Variants in FNDC3A observed in about 807,000 individuals in gnomAD.
FNDC3A encodes the protein fibronectin type III domain containing 3A.
In FNDC3A, 32 loss-of-function variants were observed where a neutral mutation model predicts 148.9. The ratio of observed to expected loss-of-function variants is 0.21; its 90% CI spans 0.16 to 0.29. FNDC3A has a LOEUF of 0.29. Ranked by LOEUF, FNDC3A falls within the 10% of genes least tolerant of loss-of-function variation. The probability of loss-of-function intolerance (pLI) is 1.00; values close to 1 mark genes in which losing one functional copy is unlikely to be tolerated. For synonymous variants in FNDC3A, 472 were observed against 473.6 expected (o/e 1.00, Z 0.04); for missense variants, 1,191 against 1,452.8 (o/e 0.82, Z 2.93).
chr13:49,146,089 A>T, intron 8 of FNDC3A, 154 bp downstream of exon 8: 1 of 579,216 alleles, frequency 1.7e-6, no homozygotes, highest in East Asian at 3.1e-5. Context: ...AAATGGTCCA[A>T]ATGTAGCTTG....
chr13:49,109,934 T>G (rs1482494047), intron 3 of FNDC3A, among the ~76,000 whole-genome samples: 2 of 152,186 alleles, frequency 1.3e-5, no homozygotes, highest in African/African-American at 4.8e-5. Context: ...TCAGACTGAA[T>G]CTTTTAAATT....
At chr13:49,068,268 A>G (rs186635103) in intron 2 of FNDC3A, among the ~76,000 whole-genome samples, 94 of 151,938 alleles carry the variant, frequency 6.2e-4, no homozygotes, top group Admixed American at 1.3e-3. Context: ...AGAGGCAATG[A>G]TGGGAGGATA....
At chr13:49,117,731 G>T (rs537006810) in intron 4 of FNDC3A, among the ~76,000 whole-genome samples, 3 of 152,284 alleles carry the variant, frequency 2.0e-5, no homozygotes, top group Non-Finnish European at 4.4e-5. Flanking sequence ...ATGATTTAAA[G>T]TACACCCGAG....
chr13:49,104,567 G>A (rs544622762), intron 3 of FNDC3A, among the ~76,000 whole-genome samples: 1 of 152,154 alleles, frequency 6.6e-6, no homozygotes, highest in African/African-American at 2.4e-5. Context: ...GAAAAGAAAT[G>A]TGATTTTGGA....
At chr13:49,035,896 C>T (rs974625073) in intron 2 of FNDC3A, among the ~76,000 whole-genome samples, 9 of 152,012 alleles carry the variant, frequency 5.9e-5, no homozygotes, top group African/African-American at 9.7e-5. Context: ...AATTCAAATT[C>T]GTTAGTTTGA....
chr13:49,111,026 A>G (rs1194443940), intron 3 of FNDC3A, among the ~76,000 whole-genome samples: 1 of 152,194 alleles, frequency 6.6e-6, no homozygotes, highest in Non-Finnish European at 1.5e-5. Context: ...TAGATTATAA[A>G]GGAGCTGCTA....
chr13:49,189,194 T>C (rs1352263528), intron 17 of FNDC3A, among the ~76,000 whole-genome samples: 2 of 147,982 alleles, frequency 1.4e-5, no homozygotes, highest in African/African-American at 2.5e-5. Context: ...ACAGTCTCAC[T>C]CTGTCGCCCA....
chr13:49,139,853 T>G (rs761666532), intron 7 of FNDC3A, among the ~76,000 whole-genome samples: 7 of 152,184 alleles, frequency 4.6e-5, no homozygotes, highest in Non-Finnish European at 1.0e-4. Context: ...ATGAGGAAAC[T>G]GAAGCAACAG....
chr13:49,067,541 A>T (rs1406330203), intron 2 of FNDC3A, among the ~76,000 whole-genome samples: 1 of 152,184 alleles, frequency 6.6e-6, no homozygotes, highest in Non-Finnish European at 1.5e-5. Flanking sequence ...TGCCTAGTGT[A>T]CCATTATTGG....
chr13:49,081,571 G>C (rs1412360736), intron 3 of FNDC3A, among the ~76,000 whole-genome samples: 4 of 152,090 alleles, frequency 2.6e-5, no homozygotes, highest in African/African-American at 7.2e-5. Context: ...ACATAATTTT[G>C]TCATAGAGAA....
At chr13:49,166,688 ACAAC>A (rs1281530256) in intron 8 of FNDC3A, among the ~76,000 whole-genome samples, 1 of 152,160 alleles carries the variant, frequency 6.6e-6, no homozygotes, top group Non-Finnish European at 1.5e-5. Flanking sequence ...CCCACACTGG[ACAAC>A]CTTTCTAGGC....
intron 2 of FNDC3A, among the ~76,000 whole-genome samples, chr13:49,009,099 C>T (rs1288488344): frequency 3.9e-5 from 6 of 152,014 alleles, no homozygotes; most frequent in African/African-American, 1.2e-4. Context: ...ATAATTTCAC[C>T]GCCCTAAAAA....
chr13:49,166,310 A>T (rs1268071104), intron 8 of FNDC3A, among the ~76,000 whole-genome samples: 1 of 152,198 alleles, frequency 6.6e-6, no homozygotes, highest in Non-Finnish European at 1.5e-5. Context: ...TGCTGGGGGC[A>T]ACAGGATCTT....
chr13:49,174,111 C>T (rs1485254629), intron 11 of FNDC3A, among the ~76,000 whole-genome samples: 7 of 152,122 alleles, frequency 4.6e-5, no homozygotes, highest in African/African-American at 1.4e-4. Context: ...AAGATCGTCA[C>T]CCCATTTCTA....
At chr13:49,175,572 A>G (rs1473239130) in intron 13 of FNDC3A, 31 bp downstream of exon 13, 1 of 1,452,288 alleles carries the variant, frequency 6.9e-7, no homozygotes, top group Admixed American at 2.0e-5. Context: ...TAAATAGTGT[A>G]TTTAAAACAT....
chr13:49,106,591 G>A (rs988981485), intron 3 of FNDC3A, among the ~76,000 whole-genome samples: 8 of 152,118 alleles, frequency 5.3e-5, no homozygotes, highest in South Asian at 2.1e-4. Context: ...CATTACAGGC[G>A]CGAAGCAGCA....
intron 1 of FNDC3A, among the ~76,000 whole-genome samples, chr13:48,992,449 G>T (rs1254578987): frequency 6.6e-6 from 1 of 152,028 alleles, no homozygotes. Context: ...TAAATAATAA[G>T]AAAACAGTCT....
At chr13:48,986,416 GGCGGAGTCTT>G (rs1331900497) in intron 1 of FNDC3A, among the ~76,000 whole-genome samples, 1 of 12,376 alleles carries the variant, frequency 8.1e-5, no homozygotes, top group Non-Finnish European at 1.9e-4. Flanking sequence ...TTTTTTTTGA[GGCGGAGTCTT>G]GCTCTGTCGC....
At chr13:49,074,778 G>GT (rs1304664789) in intron 2 of FNDC3A, among the ~76,000 whole-genome samples, 1 of 151,926 alleles carries the variant, frequency 6.6e-6, no homozygotes, top group South Asian at 2.1e-4. Context: ...CCAGTTTCCT[G>GT]TTTTTTCTCT....
Sources: allele counts gnomAD v4.1 joint callset (sites outside exome capture counted in the v4.1 genomes callset), GRCh38; gene constraint gnomAD v4.1.1; transcripts MANE v1.5; gene names NCBI Gene and HGNC (gene_info 2026-07-23, HGNC 2026-07-21).